Variants in ATAD3C observed in about 807,000 individuals in gnomAD.
ATAD3C encodes the protein ATPase family AAA domain containing 3C, also known as ATPase family AAA domain-containing protein 3C.
A neutral mutation model predicts 46.3 loss-of-function variants in ATAD3C; 38 were observed. The ratio of observed to expected loss-of-function variants is 0.82; its 90% CI spans 0.63 to 1.08. ATAD3C has a LOEUF of 1.08. Ranked by LOEUF, ATAD3C falls within the 50% of genes least tolerant of loss-of-function variation. The pLI is 0.00. For synonymous variants in ATAD3C, 220 were observed against 236.4 expected, an observed-to-expected ratio of 0.93 and a Z score of 0.63; for missense variants, 563 against 572.7, an observed-to-expected ratio of 0.98 and a Z score of 0.17.
intron 10 of ATAD3C, among the ~76,000 whole-genome samples, chr1:1,461,502 C>T (rs1243390757): frequency 6.7e-6 from 1 of 148,970 alleles, no homozygotes; most frequent in East Asian, 2.0e-4. Flanking sequence ...TTACGTTCCT[C>T]TTCACTACGC....
At chr1:1,461,549 C>T (rs1184694006) in intron 10 of ATAD3C, among the ~76,000 whole-genome samples, 1 of 150,870 alleles carries the variant, frequency 6.6e-6, no homozygotes, top group Non-Finnish European at 1.5e-5. Context: ...TGGCCACCCC[C>T]AGACCCTGGC....
At chr1:1,456,051 C>A in intron 6 of ATAD3C, 135 bp downstream of exon 6, 1 of 1,467,824 alleles carries the variant, frequency 6.8e-7, no homozygotes, top group South Asian at 1.4e-5. Context: ...GCTCAGGGTG[C>A]TGGTGTGGGC....
Position 1,468,559 on chromosome 1 carries a change from C to T in ATAD3C, c.*29C>T, listed in dbSNP as rs1433460163. On this transcript the variant is annotated 3_prime_UTR_variant, in exon 12 of 12. Coordinates refer to ENST00000378785, the MANE Select transcript of ATAD3C (RefSeq NM_001039211.3). ...CATGGGGAGACCACACCTCACGGAGCCTGGCCGCGGACCCCTCCCACCCCT... is the reference window on the plus strand; with the variant it reads ...CATGGGGAGACCACACCTCACGGAGTCTGGCCGCGGACCCCTCCCACCCCT... 29 of 1,588,954 alleles carry T rather than the reference C, an allele frequency of 1.8e-5. No individual in the cohort carries two copies. Among genetic ancestry groups the T allele is most frequent in the African/African-American group, 5.4e-5 (4 of 73,448 alleles).
chr1:1,460,633 A>G (rs950704890), intron 9 of ATAD3C, 117 bp from the exon 10 acceptor site: 12 of 1,406,738 alleles, frequency 8.5e-6, no homozygotes, highest in Non-Finnish European at 1.1e-5. Context: ...TGTGCTCACA[A>G]GCTGCCACTT....
rs569794156 is a variant in ATAD3C at position 1,459,363 on chromosome 1, T to G, written c.812+132T>G. The G allele has an allele frequency of 1.2e-5, 18 of 1,534,552 alleles. No homozygotes were observed. In the East Asian group the frequency reaches 3.3e-4, roughly 28 times the overall value. On this transcript the variant is annotated intron_variant, in intron 9 of 11. Coordinates refer to ENST00000378785, the MANE Select transcript of ATAD3C (RefSeq NM_001039211.3). The surrounding 1 kb of genome is among the most constrained non-coding windows in gnomAD (Gnocchi z 4.9). ...TGCCGTGGCCTCAACGTGCCCACCT[T>G]GGATGTCCCCTGGGAACGGCCCAGC...
intron 10 of ATAD3C, among the ~76,000 whole-genome samples, chr1:1,461,531 C>A (rs1272824117): frequency 6.6e-6 from 1 of 150,790 alleles, no homozygotes; most frequent in Non-Finnish European, 1.5e-5. Context: ...GTGAGGAAAT[C>A]CTGTACCTGG....
intron 2 of ATAD3C, 45 bp from the exon 3 acceptor site, chr1:1,452,320 T>C: frequency 6.2e-7 from 1 of 1,613,046 alleles, no homozygotes; most frequent in South Asian, 1.1e-5. Context: ...CTACGTGGCG[T>C]GGGTCTTTGT....
chr1:1,468,567 C>G lies in ATAD3C; in HGVS notation c.*37C>G. 1 of 1,585,726 alleles carries G rather than the reference C, an allele frequency of 6.3e-7. No homozygotes were observed. The highest frequency in any genetic ancestry group is 8.6e-7 in the Non-Finnish European group (1 of 1,166,390). On this transcript the variant is annotated 3_prime_UTR_variant, in exon 12 of 12. Coordinates refer to ENST00000378785, the MANE Select transcript of ATAD3C (RefSeq NM_001039211.3). ...GACCACACCTCACGGAGCCTGGCCG[C>G]GGACCCCTCCCACCCCTGCCTTTGC...
Position 1,450,935 on chromosome 1 carries a change from C to G in ATAD3C, c.75+177C>G, listed in dbSNP as rs1045553646. Among the ~76,000 whole-genome samples, 6 of 151,824 alleles carry G rather than the reference C, an allele frequency of 4.0e-5. 1 individual carries two copies. Among genetic ancestry groups the G allele is most frequent in the Non-Finnish European group, 5.9e-5 (4 of 67,984 alleles). On this transcript the variant is annotated intron_variant, in intron 1 of 11. Coordinates refer to ENST00000378785, the MANE Select transcript of ATAD3C (RefSeq NM_001039211.3). ...AGGAAACAAGGGGAGGTGAGAGACG[C>G]TGCCGCAGAGCCGCCCGAGAGGGAG...
intron 8 of ATAD3C, among the ~76,000 whole-genome samples, chr1:1,457,826 C>T (rs147220568): frequency 0.015 from 2,262 of 150,312 alleles, 45 homozygotes; most frequent in Middle Eastern, 0.032. Flanking sequence ...TATAGGCATC[C>T]GCCACCACAC....
chr1:1,465,509 T>C (rs926789173), intron 11 of ATAD3C, among the ~76,000 whole-genome samples: 2 of 139,624 alleles, frequency 1.4e-5, no homozygotes, highest in Non-Finnish European at 3.0e-5. Flanking sequence ...GAGAATGGGG[T>C]GAATCCTGGA....
rs1570163914 is a variant in ATAD3C, at chr1:1,468,938, C to A, written c.*408C>A. ...CAGACACAGCGGCTTCAAATAGATG[C>A]CGCCCCTGCCCGCGCTTTGCAGCTA... is the stretch of plus-strand genomic sequence containing the variant. On this transcript the variant is annotated 3_prime_UTR_variant, in exon 12 of 12. Transcript: ENST00000378785. The A allele has an allele frequency of 4.5e-6, 1 of 221,774 alleles. No individual in the cohort carries two copies. Among genetic ancestry groups the A allele is most frequent in the African/African-American group, 2.4e-5 (1 of 41,952 alleles). The allele number at this position is 221,774 out of a possible 1,614,324, so 13.7% of individuals were successfully genotyped here. A position where few individuals can be genotyped will look rare whatever the true frequency, so the allele number is the denominator to read the frequency against.
Position 1,465,471 on chromosome 1 carries a change from G to T in ATAD3C, c.1089+2763G>T, listed in dbSNP as rs188560348. On this transcript the variant is annotated intron_variant, in intron 11 of 11. Transcript: ENST00000378785. The stretch of plus-strand genomic sequence containing the variant: ...CCGGGCGTGGCGGCAGGTGCCTGTA[G>T]TCCCAGCTACTCGGGAGGCTGAGGC... Among the ~76,000 whole-genome samples the T allele has an allele frequency of 3.0e-3, 449 of 150,674 alleles. 4 individuals are homozygous for T. Among genetic ancestry groups the T allele is most frequent in the African/African-American group, 0.01 (424 of 41,086 alleles).
In ATAD3C at chr1:1,468,742, T is replaced by A. The variant is rs1282274383; in HGVS notation, c.*212T>A. The A allele has an allele frequency of 1.5e-5, 13 of 883,978 alleles. No individual in the cohort carries two copies. The highest frequency in any genetic ancestry group is 2.0e-5 in the Non-Finnish European group (12 of 589,136). 54.8% of individuals were successfully genotyped at this position (883,978 alleles called of 1,614,324 possible). ...AGAAAAGGCAGAAGCTGGGGCTTTC[T>A]GGAGGATTTAACCACAGAGGGGTGG... On this transcript the variant is annotated 3_prime_UTR_variant, in exon 12 of 12. Coordinates refer to ENST00000378785, the MANE Select transcript of ATAD3C (RefSeq NM_001039211.3).
At chr1:1,460,547 G>A (rs942214975) in intron 9 of ATAD3C, among the ~76,000 whole-genome samples, 10 of 152,086 alleles carry the variant, frequency 6.6e-5, no homozygotes, top group Non-Finnish European at 8.8e-5. Context: ...CAGGAAGCCG[G>A]GCAGGGGGAC....
intron 8 of ATAD3C, among the ~76,000 whole-genome samples, chr1:1,458,931 G>T (rs1164019273): frequency 6.6e-6 from 1 of 151,742 alleles, no homozygotes; most frequent in Non-Finnish European, 1.5e-5. Context: ...ATGTTGGCCA[G>T]GATGGTCTCA....
In ATAD3C at chr1:1,459,410, C is replaced by T. The variant is rs928328338; in HGVS notation, c.812+179C>T. 6.6e-6 allele frequency among the ~76,000 whole-genome samples: 1 copy of T among 152,086 alleles called. No homozygotes were observed. The highest frequency in any genetic ancestry group is 1.5e-5 in the Non-Finnish European group (1 of 67,980). ...CAGCTCAGGACAGCACGGGGTGTCA[C>T]TGAGGAACATGCGGGGGCCTCCCGG... On this transcript the variant is annotated intron_variant, in intron 9 of 11. Transcript: ENST00000378785. This position sits in a 1 kb window ranked among gnomAD's most constrained non-coding sequence, Gnocchi z 4.9.
chr1:1,450,835 G>A (rs1051774907), intron 1 of ATAD3C, 77 bp downstream of exon 1: 89 of 1,588,538 alleles, frequency 5.6e-5, no homozygotes, highest in African/African-American at 5.4e-4. Context: ...GGCTACTGCC[G>A]GTGGGTAGGG....
rs144333159 is a variant in ATAD3C at position 1,468,392 on chromosome 1, G to T, written c.1098G>T (p.Ala366=). The stretch of plus-strand genomic sequence containing the variant: ...CCCTCTCTCCCCACTAGGCCACGGC[G>T]TATGCCTCCAAGGACGGGGTCCTGA... The part of the protein sequence containing the change: ...AQLAVSWQAT[A]YASKDGVLTE... Residue 366 remains alanine, a synonymous_variant, in exon 12 of 12, where the codon GCG becomes GCT. Coordinates refer to ENST00000378785, the MANE Select transcript of ATAD3C (RefSeq NM_001039211.3). 6.2e-7 allele frequency: 1 copy of T among 1,610,890 alleles called. No homozygotes were observed. The highest frequency in any genetic ancestry group is 1.7e-5 in the Admixed American group (1 of 59,110).
Sources: gnomAD v4.1 joint callset for allele counts (sites outside exome capture counted in the v4.1 genomes callset) on GRCh38, gnomAD v4.1.1 for gene constraint, Gnocchi (gnomAD v3.1) non-coding constraint, MANE v1.5 for transcripts, NCBI Gene and HGNC (gene_info 2026-07-23, HGNC 2026-07-21) for gene names.